PDZD2: variants seen among roughly 807,000 people sequenced by gnomAD.
PDZD2 encodes PDZ domain containing 2, also known as PDZ domain-containing protein 2.
PDZD2 carries 90 observed loss-of-function variants against 220.7 expected under a neutral mutation model. The observed-to-expected ratio is 0.41, with a 90% CI of 0.34 to 0.49. PDZD2 has a LOEUF of 0.49. Among genes scored for constraint, PDZD2 ranks in the 20% least tolerant of loss-of-function variants. The pLI is 0.28. For missense variants in PDZD2, 3,174 were observed against 3,608.5 expected (o/e 0.88, Z 3.08); for synonymous variants, 1,375 against 1,450.5 (o/e 0.95, Z 1.18).
At chr5:32,032,423 T>C (rs568652414) in intron 6 of PDZD2, among the ~76,000 whole-genome samples, 38 of 152,314 alleles carry the variant, frequency 2.5e-4, no homozygotes, top group African/African-American at 8.4e-4. Flanking sequence ...TCTCGGTCGT[T>C]CCTTGGGCCA....
At chr5:31,775,335 TG>T (rs1752577484) in intron 1 of PDZD2, among the ~76,000 whole-genome samples, 2 of 144,538 alleles carry the variant, frequency 1.4e-5, no homozygotes, top group Non-Finnish European at 1.5e-5. Flanking sequence ...GAGATGTAAT[TG>T]AAAAAAAAAA....
rs745836050 is a variant in PDZD2 at position 32,061,151 on chromosome 5, T to A, written c.2451+17T>A. 3.1e-6 allele frequency: 5 copies of A among 1,613,298 alleles called. No individual in the cohort carries two copies. Among genetic ancestry groups the A allele is most frequent in the Non-Finnish European group, 4.2e-6 (5 of 1,179,392 alleles). On this transcript the variant is annotated intron_variant, in intron 14 of 24. Coordinates refer to ENST00000438447, the MANE Select transcript of PDZD2 (RefSeq NM_178140.4). ...AATCCAAAGGTGAGGTGGTCCACCC[T>A]CTTCTGAACGTGGGAAGATGATACA...
chr5:31,964,332 A>G (rs1051329930), intron 2 of PDZD2, among the ~76,000 whole-genome samples: 1 of 152,148 alleles, frequency 6.6e-6, no homozygotes, highest in African/African-American at 2.4e-5. Context: ...AGCCTGAGGG[A>G]CTCATCTCTG....
intron 2 of PDZD2, among the ~76,000 whole-genome samples, chr5:31,897,979 G>A (rs1453635090): frequency 6.6e-6 from 1 of 152,140 alleles, no homozygotes; most frequent in Non-Finnish European, 1.5e-5. Flanking sequence ...GACCTCAGGT[G>A]ATCTGACCAC....
intron 22 of PDZD2, among the ~76,000 whole-genome samples, chr5:32,097,981 C>T (rs1412887248): frequency 2.6e-5 from 4 of 152,154 alleles, no homozygotes; most frequent in Non-Finnish European, 2.9e-5. Context: ...AGACCCGGCA[C>T]GGTGGCTCAC....
intron 1 of PDZD2, among the ~76,000 whole-genome samples, chr5:31,761,052 A>T (rs1052479092): frequency 6.6e-6 from 1 of 152,084 alleles, no homozygotes; most frequent in Non-Finnish European, 1.5e-5. Flanking sequence ...CCGTGTGGGG[A>T]GGGGCACATA....
intron 20 of PDZD2, among the ~76,000 whole-genome samples, chr5:32,091,820 T>A (rs1409273836): frequency 6.6e-6 from 1 of 152,158 alleles, no homozygotes; most frequent in Non-Finnish European, 1.5e-5. Context: ...GGAAACATGT[T>A]TACCAAAGTG....
chr5:31,997,764 G>A (rs976918631), intron 4 of PDZD2, among the ~76,000 whole-genome samples: 1 of 152,260 alleles, frequency 6.6e-6, no homozygotes, highest in South Asian at 2.1e-4. Context: ...TGGGCTATAC[G>A]ATTCACAAGC....
chr5:31,866,451 G>A (rs2150318029), intron 2 of PDZD2, among the ~76,000 whole-genome samples: 1 of 152,324 alleles, frequency 6.6e-6, no homozygotes, highest in Non-Finnish European at 1.5e-5. Flanking sequence ...TGAGGGCAGA[G>A]AGAGGGTGGG....
intron 2 of PDZD2, among the ~76,000 whole-genome samples, chr5:31,973,010 T>C (rs7721080): frequency 0.067 from 10,150 of 152,316 alleles, 498 homozygotes; most frequent in African/African-American, 0.14. Context: ...TTAGGGCCAG[T>C]ATCTCTGCAG....
At chr5:31,885,709 A>G (rs10036115) in intron 2 of PDZD2, among the ~76,000 whole-genome samples, 7,766 of 152,264 alleles carry the variant, frequency 0.051, 649 homozygotes, top group African/African-American at 0.17. Flanking sequence ...ATAGTATAGC[A>G]TAAGTACACT....
At chr5:32,006,193 T>A (rs1752782158) in intron 5 of PDZD2, among the ~76,000 whole-genome samples, 1 of 151,924 alleles carries the variant, frequency 6.6e-6, no homozygotes, top group Non-Finnish European at 1.5e-5. Context: ...GTGTAGCTGG[T>A]TATAGCAAGA....
intron 2 of PDZD2, among the ~76,000 whole-genome samples, chr5:31,881,171 G>A (rs186948612): frequency 1.1e-3 from 170 of 152,088 alleles, no homozygotes; most frequent in Non-Finnish European, 2.2e-3. Context: ...ACTGAAAGCT[G>A]TTCATAAATC....
At chr5:31,645,299 T>C (rs1745093377) in intron 1 of PDZD2, among the ~76,000 whole-genome samples, 1 of 150,968 alleles carries the variant, frequency 6.6e-6, no homozygotes, top group African/African-American at 2.4e-5. Flanking sequence ...TTAGCAGGAG[T>C]CGAAATGGAT....
chr5:32,010,761 T>G, intron 6 of PDZD2: 1 of 435,430 alleles, frequency 2.3e-6, no homozygotes, highest in Non-Finnish European at 4.4e-6. Context: ...TTTTGGAGGC[T>G]GAGGCAGGTG....
intron 1 of PDZD2, among the ~76,000 whole-genome samples, chr5:31,675,090 G>A (rs2150120125): frequency 6.6e-6 from 1 of 152,300 alleles, no homozygotes; most frequent in East Asian, 1.9e-4. Context: ...ATATTTGGCT[G>A]GGGGACCCAG....
intron 1 of PDZD2, among the ~76,000 whole-genome samples, chr5:31,775,362 G>T (rs999886435): frequency 4.0e-5 from 6 of 151,836 alleles, no homozygotes; most frequent in Non-Finnish European, 8.8e-5. Flanking sequence ...TTAATGTGAT[G>T]CTGCAGAAGC....
intron 5 of PDZD2, among the ~76,000 whole-genome samples, chr5:32,007,019 C>T (rs1326282589): frequency 4.7e-5 from 7 of 150,520 alleles, no homozygotes. Context: ...AGGCTTACGC[C>T]ATTCTCCTGC....
At chr5:31,664,440 G>A (rs896447908) in intron 1 of PDZD2, among the ~76,000 whole-genome samples, 5 of 144,988 alleles carry the variant, frequency 3.4e-5, no homozygotes, top group Non-Finnish European at 7.6e-5. Flanking sequence ...AGACACATGC[G>A]CATGCATGCA....
Sources: allele counts gnomAD v4.1 joint callset (sites outside exome capture counted in the v4.1 genomes callset), GRCh38; gene constraint gnomAD v4.1.1; transcripts MANE v1.5; gene names NCBI Gene and HGNC (gene_info 2026-07-23, HGNC 2026-07-21).